The following NCALD variants were observed in gnomAD, a reference collection of about 807,000 sequenced individuals.
NCALD encodes neurocalcin delta, also known as neurocalcin-delta.
In NCALD, 10 loss-of-function variants were observed where a neutral mutation model predicts 18.6. The ratio of observed to expected loss-of-function variants is 0.54; its 90% confidence interval spans 0.33 to 0.91. The LOEUF (loss-of-function observed/expected upper bound fraction) is 0.91. Among genes scored for constraint, NCALD ranks in the 40% least tolerant of loss-of-function variants. The pLI is 0.03. For missense variants in NCALD, 184 were observed against 247.6 expected (o/e 0.74, Z 1.72); for synonymous variants, 88 against 87.4 (o/e 1.01, Z -0.04).
intron 2 of NCALD, among the ~76,000 whole-genome samples, chr8:102,002,652 A>C (rs1380645149): frequency 6.6e-6 from 1 of 152,226 alleles, no homozygotes; most frequent in Non-Finnish European, 1.5e-5. Context: ...GCAAATGTAA[A>C]AGATCAGAAA....
chr8:101,929,606 AGGAAGGAAGGAAAGGAGGGAG>A (rs1201892928), intron 2 of NCALD, among the ~76,000 whole-genome samples: 1 of 72,196 alleles, frequency 1.4e-5, no homozygotes, highest in Non-Finnish European at 2.6e-5. Context: ...GGAGGGAGGG[AGGAAGGAAGGAAAGGAGGGAG>A]GGAAGGAAGG....
At chr8:101,969,816 G>C (rs559168029) in intron 2 of NCALD, among the ~76,000 whole-genome samples, 1 of 152,192 alleles carries the variant, frequency 6.6e-6, no homozygotes, top group East Asian at 1.9e-4. Flanking sequence ...AATTTCATAT[G>C]ATTTGACCTA....
At position 101,691,921 on chromosome 8, in the gene NCALD, G is replaced by A. The variant is rs1436008966; in HGVS notation, c.484+870C>T. ...GGGTGAGCTGATAATAACAGCAAGA[G>A]CTACAGAGCCGGGCCCTGAGCTGAG... On this transcript the variant is annotated intron_variant, in intron 3 of 3. Coordinates refer to ENST00000220931, the MANE Select transcript of NCALD (RefSeq NM_032041.3). 9 of 985,310 alleles carry A rather than the reference G, an allele frequency of 9.1e-6. No individual in the cohort carries two copies. The East Asian group carries it at 1.0e-3, about 112-fold the overall frequency. The allele number at this position is 985,310 out of a possible 1,614,324, so 61.0% of individuals were successfully genotyped here.
At chr8:101,702,734 C>T (rs1444340807) in intron 2 of NCALD, among the ~76,000 whole-genome samples, 1 of 152,174 alleles carries the variant, frequency 6.6e-6, no homozygotes, top group Non-Finnish European at 1.5e-5. Context: ...GAGGCTGCTC[C>T]GCAGAAGTGG....
chr8:101,928,203 T>C lies in NCALD; in HGVS notation c.-156-12345A>G, dbSNP rs1269545584. ...CGCGATGTAGAGATTATGATGCTCA[T>C]CTTCTAGGAAAATGAAGCTTGAAAA... On this transcript the variant is annotated intron_variant, in intron 2 of 6. Transcript: ENST00000311028. 2.6e-5 allele frequency among the ~76,000 whole-genome samples: 4 copies of C among 152,182 alleles called. No homozygotes were observed. In the South Asian group the frequency reaches 8.3e-4, roughly 31 times the overall value.
rs772560202 is a variant in NCALD, at chr8:101,719,421, C to T, written c.209G>A (p.Arg70His). 5.6e-6 allele frequency: 9 copies of T among 1,614,072 alleles called. No homozygotes were observed. The highest frequency in any genetic ancestry group is 4.4e-5 in the South Asian group (4 of 91,086). ...DASKFAEHVF[R>H]TFDANGDGTI... ...CCCATCTCCATTTGCATCGAAGGTG[C>T]GGAAGACATGCTCTGCAAATTTGGA... The change falls in exon 2 of 4, where the codon CGC (arginine) becomes CAC (histidine). Residue 70 changes from arginine to histidine, a missense_variant. Transcript: ENST00000220931.
Position 102,023,168 on chromosome 8 carries a change from C to T in NCALD, c.-209-2879G>A, listed in dbSNP as rs192915256. On this transcript the variant is annotated intron_variant, in intron 1 of 6. Transcript: ENST00000311028. ...CCCGCCCTGAAGGCCCAGGCAGTGA[C>T]GCTGACCACAGTTTCTAGCATCTGT... 1.6e-3 allele frequency among the ~76,000 whole-genome samples: 241 copies of T among 152,322 alleles called. 1 individual carries two copies. Among genetic ancestry groups the T allele is most frequent in the African/African-American group, 5.0e-3 (208 of 41,572 alleles).
At chr8:101,792,020 A>C, upstream of NCALD, among the ~76,000 whole-genome samples, 1 of 152,222 alleles carries the variant, frequency 6.6e-6, no homozygotes, top group East Asian at 1.9e-4. Context: ...AAACAAAATC[A>C]ATGAAACTCA....
At position 101,806,147 on chromosome 8, in the gene NCALD, C is replaced by T. The variant is rs538551387; in HGVS notation, c.-20+80994G>A. Among the ~76,000 whole-genome samples, 5 of 151,840 alleles carry T rather than the reference C, an allele frequency of 3.3e-5. No homozygotes were observed. In the South Asian group the frequency reaches 1.0e-3, roughly 32 times the overall value. On this transcript the variant is annotated intron_variant, in intron 4 of 6. Transcript: ENST00000311028. Reference sequence around the variant, plus strand: ...GGCTTTGCAGTGTAGGGAAAATAGACCTCACTAAAATAGTTTAATCAAGTC... The same window carrying T: ...GGCTTTGCAGTGTAGGGAAAATAGATCTCACTAAAATAGTTTAATCAAGTC...
intron 1 of NCALD, among the ~76,000 whole-genome samples, chr8:101,744,042 G>T (rs1366444555): frequency 6.6e-6 from 1 of 152,206 alleles, no homozygotes; most frequent in East Asian, 1.9e-4. Context: ...CAAGGAGAAT[G>T]CAATTTGTTG....
intron 2 of NCALD, among the ~76,000 whole-genome samples, chr8:102,004,694 G>A (rs1821625200): frequency 6.6e-6 from 1 of 152,016 alleles, no homozygotes; most frequent in Non-Finnish European, 1.5e-5. Flanking sequence ...ACAGACCAAT[G>A]GAACAGAACA....
chr8:101,783,824 C>A (rs1192630395), intron 1 of NCALD, among the ~76,000 whole-genome samples: 1 of 152,150 alleles, frequency 6.6e-6, no homozygotes, highest in Non-Finnish European at 1.5e-5. Flanking sequence ...GGACATTGTT[C>A]CAAATTTCCA....
At chr8:101,864,465 GGA>G (rs950921065) in intron 4 of NCALD, among the ~76,000 whole-genome samples, 2 of 152,076 alleles carry the variant, frequency 1.3e-5, no homozygotes, top group African/African-American at 4.8e-5. Context: ...AGAGAGATCT[GGA>G]GAGAGAGAGG....
chr8:101,766,477 C>A (rs950530536), intron 1 of NCALD, among the ~76,000 whole-genome samples: 2 of 152,172 alleles, frequency 1.3e-5, no homozygotes, highest in African/African-American at 4.8e-5. Flanking sequence ...TATCAGAGAT[C>A]CCTAACCTGA....
chr8:101,872,059 G>T, intron 4 of NCALD: 2 of 1,392,184 alleles, frequency 1.4e-6, no homozygotes, highest in Non-Finnish European at 2.0e-6. Context: ...AAATACCATG[G>T]GCAGATTCCT....
At chr8:101,872,235 T>C in intron 4 of NCALD, 3 of 1,449,454 alleles carry the variant, frequency 2.1e-6, no homozygotes, top group Non-Finnish European at 2.9e-6. Flanking sequence ...CTTTGGTAAC[T>C]TCTTGAACAT....
chr8:101,963,910 C>T (rs1490428695), intron 2 of NCALD, among the ~76,000 whole-genome samples: 4 of 152,104 alleles, frequency 2.6e-5, no homozygotes, highest in Non-Finnish European at 5.9e-5. Context: ...ATGGTCTCCT[C>T]TACTTCCACT....
At chr8:102,051,999 A>G (rs560914340) in intron 1 of NCALD, among the ~76,000 whole-genome samples, 1 of 152,358 alleles carries the variant, frequency 6.6e-6, no homozygotes, top group South Asian at 2.1e-4. Context: ...TTGCCCAGAG[A>G]ATGAAACCCA....
At chr8:101,755,564 T>C (rs1810843104) in intron 1 of NCALD, among the ~76,000 whole-genome samples, 1 of 152,196 alleles carries the variant, frequency 6.6e-6, no homozygotes, top group Non-Finnish European at 1.5e-5. Context: ...TCTCAAAATA[T>C]CTTCTTTTTT....
Sources: gnomAD v4.1 joint callset for allele counts (sites outside exome capture counted in the v4.1 genomes callset) on GRCh38, gnomAD v4.1.1 for gene constraint, MANE v1.5 for transcripts, NCBI Gene and HGNC (gene_info 2026-07-23, HGNC 2026-07-21) for gene names.